Variants in ABHD2 observed in about 807,000 individuals in gnomAD.
ABHD2 encodes the protein abhydrolase domain containing 2, acylglycerol lipase.
A neutral mutation model predicts 48.1 loss-of-function variants in ABHD2; 20 were observed. The observed-to-expected ratio is 0.42, with a 90% CI of 0.29 to 0.60. The LOEUF (loss-of-function observed/expected upper bound fraction) is 0.60, where lower values mean the gene tolerates loss of function less well. Ranked by LOEUF, ABHD2 falls within the 20% of genes least tolerant of loss-of-function variation. The pLI is 0.24. For missense variants in ABHD2, 405 were observed against 550.9 expected (o/e 0.74, Z 2.65); for synonymous variants, 209 against 214.2 (o/e 0.98, Z 0.21).
chr15:89,109,069 C>T (rs1276354202), intron 1 of ABHD2, among the ~76,000 whole-genome samples: 1 of 152,216 alleles, frequency 6.6e-6, no homozygotes, highest in Non-Finnish European at 1.5e-5. Context: ...CACTAGGACC[C>T]AGGTCTCAGA....
intron 3 of ABHD2, among the ~76,000 whole-genome samples, chr15:89,139,808 G>T (rs2050373855): frequency 6.6e-6 from 1 of 152,158 alleles, no homozygotes; most frequent in Non-Finnish European, 1.5e-5. Flanking sequence ...GGCCTGTGAA[G>T]ATGGGCATTC....
At chr15:89,074,033 G>A in the ABHD2 span, among the ~76,000 whole-genome samples, 6 of 152,114 alleles carry the variant, frequency 3.9e-5, no homozygotes, top group Non-Finnish European at 7.4e-5. Context: ...CCCAGCAAGC[G>A]GGTCACCTCT....
In ABHD2 at chr15:89,177,691, G is replaced by A. The variant is rs1201541805; in HGVS notation, c.722+1696G>A. On this transcript the variant is annotated intron_variant, in intron 6 of 10. Coordinates refer to ENST00000352732, the MANE Select transcript of ABHD2 (RefSeq NM_152924.5). This position sits in a 1 kb window ranked among gnomAD's most constrained non-coding sequence, Gnocchi z 5.6. ...ACTGGGGAGTCAGCTGAGAGGACAT[G>A]TGCCTTTATCTTGGTGGGACTAGTA... is the stretch of plus-strand genomic sequence containing the variant. 1.3e-5 allele frequency among the ~76,000 whole-genome samples: 2 copies of A among 151,958 alleles called. No individual in the cohort carries two copies. The highest frequency in any genetic ancestry group is 4.8e-5 in the African/African-American group (2 of 41,336).
At chr15:89,159,563 T>C (rs1269756232) in intron 5 of ABHD2, among the ~76,000 whole-genome samples, 1 of 152,054 alleles carries the variant, frequency 6.6e-6, no homozygotes, top group Non-Finnish European at 1.5e-5. Flanking sequence ...ACAGAGGCAC[T>C]CATGAACAGT....
the ABHD2 span, among the ~76,000 whole-genome samples, chr15:89,045,886 A>G: frequency 1.2e-4 from 19 of 152,248 alleles, no homozygotes; most frequent in South Asian, 3.1e-3. Context: ...AATACCCTTT[A>G]TTTCCTTCTC....
At chr15:89,178,502 G>A (rs1189074358) in intron 6 of ABHD2, among the ~76,000 whole-genome samples, 1 of 152,112 alleles carries the variant, frequency 6.6e-6, no homozygotes, top group African/African-American at 2.4e-5. Flanking sequence ...AGCTGAGTCT[G>A]GAGACCCGCT....
rs1771133379 is a variant in ABHD2, at chr15:89,151,068, TAATC to T, written c.195-604_195-601del. The stretch of plus-strand genomic sequence containing the variant: ...GCGTAGGCTAACAAGCCTTTATCCT[TAATC>T]AATCCAACAAATATTTACACTGCAC... On this transcript the variant is annotated intron_variant, in intron 3 of 10. Coordinates refer to ENST00000352732, the MANE Select transcript of ABHD2 (RefSeq NM_152924.5). The surrounding 1 kb of genome is among the most constrained non-coding windows in gnomAD (Gnocchi z 4.7). Among the ~76,000 whole-genome samples the T allele has an allele frequency of 6.6e-6, 1 of 152,252 alleles. No homozygotes were observed. Among genetic ancestry groups the T allele is most frequent in the South Asian group, 2.1e-4 (1 of 4,830 alleles).
intron 3 of ABHD2, among the ~76,000 whole-genome samples, chr15:89,149,825 C>T (rs894494100): frequency 6.6e-6 from 1 of 152,182 alleles, no homozygotes; most frequent in African/African-American, 2.4e-5. Flanking sequence ...AGGGTGTAGC[C>T]GGCCTCCTAG....
chr15:89,139,877 C>G (rs762212525), intron 3 of ABHD2, among the ~76,000 whole-genome samples: 8 of 152,196 alleles, frequency 5.3e-5, no homozygotes, highest in Non-Finnish European at 1.2e-4. Flanking sequence ...TGGCACCTAA[C>G]TAGAATCTGA....
intron 1 of ABHD2, among the ~76,000 whole-genome samples, chr15:89,112,490 C>T (rs1405095430): frequency 6.6e-6 from 1 of 152,180 alleles, no homozygotes; most frequent in Non-Finnish European, 1.5e-5. Flanking sequence ...CCCCACCTCA[C>T]CACAGCCTGG....
chr15:89,105,304 CT>C (rs2049767049), intron 1 of ABHD2, among the ~76,000 whole-genome samples: 1 of 152,200 alleles, frequency 6.6e-6, no homozygotes, highest in African/African-American at 2.4e-5. Flanking sequence ...AGTTTGGTAA[CT>C]TTCTTTGTGG....
At chr15:89,149,155 A>G (rs2050548014) in intron 3 of ABHD2, among the ~76,000 whole-genome samples, 1 of 152,062 alleles carries the variant, frequency 6.6e-6, no homozygotes, top group South Asian at 2.1e-4. Context: ...TCCACTGTGT[A>G]TAATTGATCT....
Position 89,116,631 on chromosome 15 carries a change from T to C in ABHD2, c.194+110T>C. On this transcript the variant is annotated intron_variant, in intron 3 of 10. Transcript: ENST00000352732. The surrounding 1 kb of genome is among the most constrained non-coding windows in gnomAD (Gnocchi z 4.6). ...GTGTCCTTAAGGCATCAATGGGATA[T>C]GACGTCACTGGTGTTAAAATAGCCA... The C allele has an allele frequency of 8.6e-7, 1 of 1,166,108 alleles. No homozygotes were observed. The highest frequency in any genetic ancestry group is 1.2e-6 in the Non-Finnish European group (1 of 829,720). 72.2% of individuals were successfully genotyped at this position (1,166,108 alleles called of 1,614,324 possible).
Position 89,201,348 on chromosome 15 carries a change from G to GC in ABHD2, c.*5928dup. Reference sequence around the variant, plus strand: ...GAAGCACTGTGTGGTTGTGGCGTGGGCCCGTCTTGCTTAGATGCATTCAGT... The same window carrying GC: ...GAAGCACTGTGTGGTTGTGGCGTGGGCCCCGTCTTGCTTAGATGCATTCAGT... On this transcript the variant is annotated 3_prime_UTR_variant, in exon 11 of 11. Coordinates refer to ENST00000352732, the MANE Select transcript of ABHD2 (RefSeq NM_152924.5). 6 of 1,031,498 alleles carry GC rather than the reference G, an allele frequency of 5.8e-6. No individual in the cohort carries two copies. Among genetic ancestry groups the GC allele is most frequent in the Non-Finnish European group, 7.5e-6 (5 of 664,668 alleles). The allele number at this position is 1,031,498 out of a possible 1,614,324, so 63.9% of individuals were successfully genotyped here.
chr15:89,121,418 C>T (rs912064922), intron 3 of ABHD2, among the ~76,000 whole-genome samples: 1 of 150,792 alleles, frequency 6.6e-6, no homozygotes, highest in African/African-American at 2.4e-5. Flanking sequence ...CTATTCCCAG[C>T]CCCCGTACTC....
At chr15:89,111,941 TTA>T (rs371717016) in intron 1 of ABHD2, among the ~76,000 whole-genome samples, 6 of 151,044 alleles carry the variant, frequency 4.0e-5, no homozygotes, top group African/African-American at 7.3e-5. Context: ...GATTTTTTAT[TTA>T]TATATATATA....
At chr15:89,058,163 G>A in the ABHD2 span, among the ~76,000 whole-genome samples, 1 of 152,174 alleles carries the variant, frequency 6.6e-6, no homozygotes, top group East Asian at 1.9e-4. Context: ...TTGACTTTTA[G>A]GATTTTCAGC....
At chr15:89,053,435 G>T in the ABHD2 span, among the ~76,000 whole-genome samples, 2 of 152,196 alleles carry the variant, frequency 1.3e-5, no homozygotes. Flanking sequence ...AACTGACCAG[G>T]CCAGGGACCC....
chr15:89,148,456 T>A lies in ABHD2; in HGVS notation c.195-3221T>A, dbSNP rs74029907. 2.8e-3 allele frequency among the ~76,000 whole-genome samples: 421 copies of A among 152,336 alleles called. 2 individuals carry two copies. The highest frequency in any genetic ancestry group is 9.4e-3 in the African/African-American group (389 of 41,582). ...GTAAAAGATTAATAATGCCAATTAT[T>A]AATGAGGGTGAGGAAGACAGGTACT... On this transcript the variant is annotated intron_variant, in intron 3 of 10. Transcript: ENST00000352732.
Sources: gnomAD v4.1 joint callset for allele counts (sites outside exome capture counted in the v4.1 genomes callset) on GRCh38, gnomAD v4.1.1 for gene constraint, Gnocchi (gnomAD v3.1) non-coding constraint, MANE v1.5 for transcripts, NCBI Gene and HGNC (gene_info 2026-07-23, HGNC 2026-07-21) for gene names.